Variants in ARHGEF10L observed in about 807,000 individuals in gnomAD.
ARHGEF10L encodes the protein Rho guanine nucleotide exchange factor 10 like.
Under a neutral mutation model 141.2 loss-of-function variants are expected in ARHGEF10L, and 69 were observed. The ratio of observed to expected loss-of-function variants is 0.49; its 90% CI spans 0.40 to 0.60. The LOEUF (loss-of-function observed/expected upper bound fraction) is 0.60, where lower values mean the gene tolerates loss of function less well. Among genes scored for constraint, ARHGEF10L ranks in the 20% least tolerant of loss-of-function variants. The pLI, the probability that ARHGEF10L is intolerant of heterozygous loss-of-function variation, is 0.00. For synonymous variants in ARHGEF10L, 711 were observed against 718.5 expected (o/e 0.99, Z 0.17); for missense variants, 1,482 against 1,734.3 (o/e 0.85, Z 2.58).
intron 1 of ARHGEF10L, among the ~76,000 whole-genome samples, chr1:17,555,757 C>T (rs1192461905): frequency 3.3e-5 from 5 of 152,180 alleles, no homozygotes; most frequent in Non-Finnish European, 1.5e-5. Flanking sequence ...TCAGGAGCAC[C>T]ATAACCATGC....
rs2080738790 is a variant in ARHGEF10L, at chr1:17,602,116, C to T, written c.258-11C>T. 3.9e-6 allele frequency: 6 copies of T among 1,553,826 alleles called. No homozygotes were observed. The East Asian group carries it at 9.6e-5, about 25-fold the overall frequency. On this transcript the variant is annotated splice_polypyrimidine_tract_variant and intron_variant, in intron 4 of 28. Coordinates refer to ENST00000361221, the MANE Select transcript of ARHGEF10L (RefSeq NM_018125.4). ...TCTGGACACCTCTGCAGTGCCATCTCTTGCCCGCAGGGTGCCAGCCTGGGT... is the reference window on the plus strand; with the variant it reads ...TCTGGACACCTCTGCAGTGCCATCTTTTGCCCGCAGGGTGCCAGCCTGGGT...
At chr1:17,514,063 A>G in the ARHGEF10L span, among the ~76,000 whole-genome samples, 1 of 140,304 alleles carries the variant, frequency 7.1e-6, no homozygotes, top group African/African-American at 2.7e-5. Flanking sequence ...ACCTCAGGTG[A>G]TCTGCCTGCC....
At position 17,603,089 on chromosome 1, in the gene ARHGEF10L, A is replaced by C. The variant is rs141250786; in HGVS notation, c.350-419A>C. 6.6e-6 allele frequency among the ~76,000 whole-genome samples: 1 copy of C among 151,728 alleles called. No individual in the cohort carries two copies. The highest frequency in any genetic ancestry group is 2.4e-5 in the African/African-American group (1 of 41,250). On this transcript the variant is annotated intron_variant, in intron 5 of 28. Coordinates refer to ENST00000361221, the MANE Select transcript of ARHGEF10L (RefSeq NM_018125.4). The surrounding 1 kb of genome is among the most constrained non-coding windows in gnomAD (Gnocchi z 4.8). Reference sequence around the variant, plus strand: ...GCCTGTGGGTCAAGGACCGGCTCCCATCAGGGGTGGGGGCTGGTTTTCCAA... The same window carrying C: ...GCCTGTGGGTCAAGGACCGGCTCCCCTCAGGGGTGGGGGCTGGTTTTCCAA...
chr1:17,663,695 G>A (rs2062786654), intron 25 of ARHGEF10L, among the ~76,000 whole-genome samples: 1 of 152,192 alleles, frequency 6.6e-6, no homozygotes, highest in Non-Finnish European at 1.5e-5. Context: ...TCAAGATTCA[G>A]TCTAGATAAG....
intron 2 of ARHGEF10L, among the ~76,000 whole-genome samples, chr1:17,583,490 ATT>A (rs2078765509): frequency 6.6e-6 from 1 of 152,190 alleles, no homozygotes; most frequent in Non-Finnish European, 1.5e-5. Flanking sequence ...CAGGTGCTTT[ATT>A]TATGTTCATT....
the ARHGEF10L span, among the ~76,000 whole-genome samples, chr1:17,514,346 G>A: frequency 6.6e-6 from 1 of 151,944 alleles, no homozygotes; most frequent in Non-Finnish European, 1.5e-5. Context: ...ATGTTGGCCA[G>A]GCTGGTCTTG....
At chr1:17,645,674 C>A (rs890641312) in intron 21 of ARHGEF10L, among the ~76,000 whole-genome samples, 6 of 152,190 alleles carry the variant, frequency 3.9e-5, no homozygotes, top group Non-Finnish European at 7.3e-5. Flanking sequence ...GCATGGCGAG[C>A]GCTGGCACAC....
In ARHGEF10L at chr1:17,696,938, G is replaced by A; in HGVS notation, c.3398G>A (p.Ser1133Asn). The change falls in exon 29 of 29, where the codon AGT becomes AAT. Residue 1133 changes from serine (S) to asparagine (N), a missense_variant. Ser to Asn is a conservative substitution (Grantham distance 46). Transcript: ENST00000361221. ...ATCCTGGCCCCTGACATCCTGCGGAGTGACCAGGAGGAGGCTGAGGGGCCC... is the reference window on the plus strand; with the variant it reads ...ATCCTGGCCCCTGACATCCTGCGGAATGACCAGGAGGAGGCTGAGGGGCCC... ...TSILAPDILR[S>N]DQEEAEGPRA... 2.5e-6 allele frequency: 4 copies of A among 1,612,730 alleles called. No individual in the cohort carries two copies. Among genetic ancestry groups the A allele is most frequent in the Non-Finnish European group, 3.4e-6 (4 of 1,179,812 alleles).
chr1:17,551,821 C>CTG (rs1297308146), intron 1 of ARHGEF10L, among the ~76,000 whole-genome samples: 1 of 152,150 alleles, frequency 6.6e-6, no homozygotes, highest in Admixed American at 6.5e-5. Context: ...CAGGCTGGGA[C>CTG]TGGTCTTCTA....
chr1:17,612,958 C>T, intron 7 of ARHGEF10L, 100 bp from the exon 8 acceptor site: 1 of 811,438 alleles, frequency 1.2e-6, no homozygotes. Context: ...CGCACTTTAC[C>T]TGAGTCTCCT....
At chr1:17,629,774 C>T (rs1277611076) in intron 15 of ARHGEF10L, among the ~76,000 whole-genome samples, 1 of 152,224 alleles carries the variant, frequency 6.6e-6, no homozygotes, top group African/African-American at 2.4e-5. Flanking sequence ...CCATGACCAC[C>T]CGTGCTGGCC....
chr1:17,567,690 C>T (rs920344067), intron 1 of ARHGEF10L, among the ~76,000 whole-genome samples: 6 of 152,124 alleles, frequency 3.9e-5, no homozygotes, highest in African/African-American at 1.2e-4. Context: ...TTTTGAGATC[C>T]AGTCAGGAAG....
At chr1:17,568,506 G>A (rs1204999782) in intron 1 of ARHGEF10L, among the ~76,000 whole-genome samples, 1 of 152,170 alleles carries the variant, frequency 6.6e-6, no homozygotes, top group African/African-American at 2.4e-5. Flanking sequence ...ACACTGGCAG[G>A]ACCAGAGATT....
At chr1:17,618,274 AG>A in intron 9 of ARHGEF10L, 5 of 1,406,408 alleles carry the variant, frequency 3.6e-6, no homozygotes, top group African/African-American at 1.5e-5. Flanking sequence ...CCCGCCCACA[AG>A]CCCAGCGCCT....
In ARHGEF10L at chr1:17,639,366, T is replaced by C. The variant is rs144352713; in HGVS notation, c.2171+677T>C. Reference sequence around the variant, plus strand: ...AATGAGGGGGCTCAATGCCCAGGTTTTGGCCTCCAGGGTGGGGTGAAGGTG... The same window carrying C: ...AATGAGGGGGCTCAATGCCCAGGTTCTGGCCTCCAGGGTGGGGTGAAGGTG... On this transcript the variant is annotated intron_variant, in intron 20 of 28. Transcript: ENST00000361221. This position sits in a 1 kb window ranked among gnomAD's most constrained non-coding sequence, Gnocchi z 4.3. 9.2e-4 allele frequency among the ~76,000 whole-genome samples: 140 copies of C among 152,310 alleles called. 2 individuals carry two copies. In the East Asian group the frequency reaches 0.02, roughly 22 times the overall value.
intron 4 of ARHGEF10L, among the ~76,000 whole-genome samples, chr1:17,596,653 G>C (rs1446296434): frequency 6.6e-6 from 1 of 152,218 alleles, no homozygotes; most frequent in Non-Finnish European, 1.5e-5. Flanking sequence ...CCTCTGGGAA[G>C]GGACCCTTGG....
chr1:17,621,592 C>T lies in ARHGEF10L; in HGVS notation c.943-272C>T, dbSNP rs558133662. Among the ~76,000 whole-genome samples the T allele has an allele frequency of 1.1e-4, 17 of 152,294 alleles. No individual in the cohort carries two copies. In the East Asian group the frequency reaches 2.1e-3, roughly 19 times the overall value. ...GTGGTCACCCGCCACCATGGAGGAG[C>T]GTGGTGATTACCCCATCCCCAGATG... On this transcript the variant is annotated intron_variant, in intron 10 of 28. Coordinates refer to ENST00000361221, the MANE Select transcript of ARHGEF10L (RefSeq NM_018125.4). This position sits in a 1 kb window ranked among gnomAD's most constrained non-coding sequence, Gnocchi z 4.1.
At chr1:17,597,716 C>G (rs1570753515) in intron 4 of ARHGEF10L, among the ~76,000 whole-genome samples, 1 of 152,178 alleles carries the variant, frequency 6.6e-6, no homozygotes, top group East Asian at 1.9e-4. Context: ...TGGGGGTGGG[C>G]AGGAAGTGAC....
chr1:17,563,330 G>A (rs992543374), intron 1 of ARHGEF10L, among the ~76,000 whole-genome samples: 1 of 151,932 alleles, frequency 6.6e-6, no homozygotes, highest in African/African-American at 2.4e-5. Context: ...GACCTCCCAG[G>A]CTCAAGTGAT....
Sources: allele counts gnomAD v4.1 joint callset (sites outside exome capture counted in the v4.1 genomes callset), GRCh38; gene constraint gnomAD v4.1.1; non-coding constraint Gnocchi (gnomAD v3.1); transcripts MANE v1.5; gene names NCBI Gene and HGNC (gene_info 2026-07-23, HGNC 2026-07-21).